The following MAD1L1 variants were observed in gnomAD, a reference collection of about 807,000 sequenced individuals.
MAD1L1 encodes the protein mitotic arrest deficient 1 like 1, also known as mitotic spindle assembly checkpoint protein MAD1.
A neutral mutation model predicts 96.9 loss-of-function variants in MAD1L1; 95 were observed. The observed-to-expected ratio is 0.98, with a 90% confidence interval of 0.83 to 1.16. The LOEUF is 1.16. Among genes scored for constraint, MAD1L1 ranks in the 50% most tolerant of loss-of-function variants. The pLI, the probability that MAD1L1 is intolerant of heterozygous loss-of-function variation, is 0.00. For missense variants in MAD1L1, 1,007 were observed against 954.4 expected (o/e 1.06, Z -0.73); for synonymous variants, 473 against 396.6 (o/e 1.19, Z -2.29).
chr7:2,129,263 G>A (rs1471132399), intron 11 of MAD1L1, among the ~76,000 whole-genome samples: 5 of 152,220 alleles, frequency 3.3e-5, no homozygotes, highest in Non-Finnish European at 7.3e-5. Flanking sequence ...GGGGCAGGGA[G>A]GGAGTGAAAG....
intron 18 of MAD1L1, among the ~76,000 whole-genome samples, chr7:1,891,376 A>G (rs962881626): frequency 2.6e-5 from 4 of 152,088 alleles, no homozygotes; most frequent in Non-Finnish European, 5.9e-5. Flanking sequence ...GTACAAAAAA[A>G]TTAGCTGGGT....
At chr7:2,211,458 A>G (rs917569596) in intron 10 of MAD1L1, among the ~76,000 whole-genome samples, 2 of 152,242 alleles carry the variant, frequency 1.3e-5, no homozygotes, top group Non-Finnish European at 2.9e-5. Context: ...CCAGTGCTCC[A>G]GGGCAAACTG....
intron 15 of MAD1L1, among the ~76,000 whole-genome samples, chr7:1,975,020 C>G (rs557675122): frequency 6.6e-6 from 1 of 152,238 alleles, no homozygotes; most frequent in Non-Finnish European, 1.5e-5. Flanking sequence ...AGAGCCCAGG[C>G]GCAGGGGCCG....
intron 14 of MAD1L1, among the ~76,000 whole-genome samples, chr7:1,997,032 G>A (rs1402460523): frequency 6.6e-6 from 1 of 152,172 alleles, no homozygotes; most frequent in East Asian, 1.9e-4. Flanking sequence ...ATGATACGAC[G>A]ATGGCCCAGG....
chr7:1,868,238 C>T (rs534278308), intron 18 of MAD1L1, among the ~76,000 whole-genome samples: 2 of 152,302 alleles, frequency 1.3e-5, no homozygotes, highest in South Asian at 4.2e-4. Context: ...GAGCCAAGCC[C>T]CACCTGCTGA....
At chr7:2,216,123 C>A (rs369340941) in intron 8 of MAD1L1, 34 bp downstream of exon 8, 7 of 1,608,732 alleles carry the variant, frequency 4.4e-6, no homozygotes, top group South Asian at 3.3e-5. Context: ...CAGACTCACT[C>A]GAGGCGGCTG....
intron 3 of MAD1L1, among the ~76,000 whole-genome samples, chr7:2,228,935 G>T (rs183953216): frequency 6.6e-6 from 1 of 151,848 alleles, no homozygotes; most frequent in African/African-American, 2.4e-5. Flanking sequence ...GGGTTTCACC[G>T]TGTTAGCCAG....
chr7:1,944,826 G>A (rs997317383), intron 16 of MAD1L1, among the ~76,000 whole-genome samples: 4 of 152,196 alleles, frequency 2.6e-5, no homozygotes, highest in African/African-American at 7.2e-5. Context: ...ACAGGGCCCT[G>A]CCTTGGTGGC....
At chr7:2,106,594 G>A (rs1487159786) in intron 11 of MAD1L1, among the ~76,000 whole-genome samples, 1 of 152,124 alleles carries the variant, frequency 6.6e-6, no homozygotes, top group Non-Finnish European at 1.5e-5. Context: ...ATCCCTCCTA[G>A]GAGACCGCCT....
At chr7:2,116,964 G>A (rs556022760) in intron 11 of MAD1L1, among the ~76,000 whole-genome samples, 6 of 152,244 alleles carry the variant, frequency 3.9e-5, no homozygotes, top group Admixed American at 6.5e-5. Context: ...CACCCAGCAT[G>A]GCACAGCACT....
At chr7:2,046,331 A>G (rs1783918588) in intron 12 of MAD1L1, among the ~76,000 whole-genome samples, 1 of 152,144 alleles carries the variant, frequency 6.6e-6, no homozygotes, top group South Asian at 2.1e-4. Flanking sequence ...CAGCCACCAA[A>G]GGCCCCCACA....
intron 18 of MAD1L1, among the ~76,000 whole-genome samples, chr7:1,871,645 G>A (rs62435159): frequency 0.33 from 46,626 of 142,264 alleles, 8,234 homozygotes; most frequent in African/African-American, 0.5. Context: ...CCCAACATAC[G>A]CCTGCCATGC....
At chr7:1,883,174 CGT>C (rs575860711) in intron 18 of MAD1L1, among the ~76,000 whole-genome samples, 31 of 149,730 alleles carry the variant, frequency 2.1e-4, no homozygotes, top group Middle Eastern at 3.4e-3. Context: ...CACCAAACCT[CGT>C]GTCACAAACG....
chr7:1,926,908 G>T (rs763834251), intron 17 of MAD1L1, among the ~76,000 whole-genome samples: 1 of 152,100 alleles, frequency 6.6e-6, no homozygotes, highest in Non-Finnish European at 1.5e-5. Context: ...CAAAATAGAA[G>T]ACATATGGAT....
At chr7:2,023,230 T>C (rs1037860185) in intron 12 of MAD1L1, among the ~76,000 whole-genome samples, 5 of 152,164 alleles carry the variant, frequency 3.3e-5, no homozygotes, top group South Asian at 2.1e-4. Context: ...CAGCAGAATA[T>C]ATATTCCTCT....
chr7:2,041,835 G>T (rs201439513), intron 12 of MAD1L1, among the ~76,000 whole-genome samples: 12 of 14,176 alleles, frequency 8.5e-4, no homozygotes, highest in South Asian at 2.4e-3. Context: ...CAGCCCACAG[G>T]GGGGAGGGAT....
chr7:2,203,454 T>C (rs1449221619), intron 10 of MAD1L1, among the ~76,000 whole-genome samples: 2 of 152,180 alleles, frequency 1.3e-5, no homozygotes, highest in Non-Finnish European at 2.9e-5. Context: ...GGGAGGGCGG[T>C]GTGGCACCAG....
chr7:2,081,899 C>T (rs1785670668), intron 11 of MAD1L1, among the ~76,000 whole-genome samples: 1 of 152,228 alleles, frequency 6.6e-6, no homozygotes, highest in Non-Finnish European at 1.5e-5. Flanking sequence ...GGGGAGACAG[C>T]AGGGCACGCC....
At chr7:1,939,003 A>G (rs1455810281) in intron 16 of MAD1L1, among the ~76,000 whole-genome samples, 4 of 129,102 alleles carry the variant, frequency 3.1e-5, no homozygotes, top group African/African-American at 1.1e-4. Context: ...ACACACGCAC[A>G]CACACACACA....
Sources: gnomAD v4.1 joint callset for allele counts (sites outside exome capture counted in the v4.1 genomes callset) on GRCh38, gnomAD v4.1.1 for gene constraint, MANE v1.5 for transcripts, NCBI Gene and HGNC (gene_info 2026-07-23, HGNC 2026-07-21) for gene names.